Variants in UBXN4 observed in about 807,000 individuals in gnomAD.
The protein encoded by UBXN4 is UBX domain-containing protein 4.
In UBXN4, 35 loss-of-function variants were observed where a neutral mutation model predicts 66.2. The ratio of observed to expected loss-of-function variants is 0.53; its 90% confidence interval spans 0.40 to 0.70. The LOEUF (loss-of-function observed/expected upper bound fraction) is 0.70, where lower values mean the gene tolerates loss of function less well. Ranked by LOEUF, UBXN4 falls within the 30% of genes least tolerant of loss-of-function variation. The pLI is 0.00. For synonymous variants in UBXN4, 203 were observed against 204.5 expected, an observed-to-expected ratio of 0.99 and a Z score of 0.06; for missense variants, 533 against 599.8, an observed-to-expected ratio of 0.89 and a Z score of 1.16.
chr2:135,742,064 T>A (rs1575310933), intron 1 of UBXN4, 53 bp downstream of exon 1: 1 of 1,593,570 alleles, frequency 6.3e-7, no homozygotes, highest in Non-Finnish European at 8.6e-7. Context: ...CGGCCTACCT[T>A]CATCCTCTTG....
chr2:135,780,562 A>G (rs1254179895), intron 12 of UBXN4, among the ~76,000 whole-genome samples, 177 bp downstream of exon 12: 1 of 152,112 alleles, frequency 6.6e-6, no homozygotes, highest in African/African-American at 2.4e-5. Context: ...AGAGCTCACT[A>G]CCTGCGTTTT....
At chr2:135,778,620 A>G (rs1288724007) in intron 10 of UBXN4, among the ~76,000 whole-genome samples, 1 of 152,238 alleles carries the variant, frequency 6.6e-6, no homozygotes, top group Non-Finnish European at 1.5e-5. Flanking sequence ...TTGCCAAAGG[A>G]TAGTGAAAAC....
chr2:135,754,782 C>T lies in UBXN4; in HGVS notation c.333+505C>T, dbSNP rs1030183503. Among the ~76,000 whole-genome samples the T allele has an allele frequency of 3.9e-5, 6 of 152,008 alleles. No individual in the cohort carries two copies. The East Asian group carries it at 1.2e-3, about 29-fold the overall frequency. ...ACCTAATACTTGACTGACTTCTTTACCTTTCTTTATTTTTTTATTTTTTTG... is the reference window on the plus strand; with the variant it reads ...ACCTAATACTTGACTGACTTCTTTATCTTTCTTTATTTTTTTATTTTTTTG... On this transcript the variant is annotated intron_variant, in intron 4 of 12. Coordinates refer to ENST00000272638, the MANE Select transcript of UBXN4 (RefSeq NM_014607.4).
intron 9 of UBXN4, among the ~76,000 whole-genome samples, chr2:135,773,907 G>A (rs1388987793): frequency 6.6e-6 from 1 of 152,162 alleles, no homozygotes; most frequent in Non-Finnish European, 1.5e-5. Flanking sequence ...AGTATCCTAT[G>A]TTCATGGATA....
In UBXN4 at chr2:135,780,284, T is replaced by C. The variant is rs1575325252; in HGVS notation, c.1287T>C (p.Ile429=). Residue 429 remains isoleucine (I), a synonymous_variant, in exon 12 of 13, where the codon ATT becomes ATC. Transcript: ENST00000272638. ...LYPFLAIWRL[I]SNFLFSNPPP... ...CATTCCTTGCCATCTGGAGATTAAT[T>C]AGCAATTTCTTGTTTAGTAATCCGC... 1.2e-6 allele frequency: 2 copies of C among 1,614,150 alleles called. No homozygotes were observed. Among genetic ancestry groups the C allele is most frequent in the Non-Finnish European group, 1.7e-6 (2 of 1,180,028 alleles).
intron 12 of UBXN4, among the ~76,000 whole-genome samples, chr2:135,781,970 A>T (rs1384356485): frequency 6.6e-6 from 1 of 152,290 alleles, no homozygotes; most frequent in East Asian, 1.9e-4. Flanking sequence ...GCTGCCTGGG[A>T]AGCTGGGGCA....
intron 1 of UBXN4, 84 bp downstream of exon 1, chr2:135,742,095 G>T: frequency 1.4e-6 from 2 of 1,480,432 alleles, no homozygotes; most frequent in Non-Finnish European, 1.8e-6. Context: ...CCGCCGGCCC[G>T]CCCTCCCCGA....
intron 5 of UBXN4, among the ~76,000 whole-genome samples, chr2:135,757,819 A>C (rs1357797940): frequency 6.7e-6 from 1 of 148,576 alleles, no homozygotes; most frequent in African/African-American, 2.5e-5. Flanking sequence ...GTGGTTGTTC[A>C]CACCTATAAT....
intron 10 of UBXN4, among the ~76,000 whole-genome samples, chr2:135,778,200 C>T (rs1342775599): frequency 1.3e-5 from 2 of 150,572 alleles, no homozygotes; most frequent in Admixed American, 1.3e-4. Context: ...AAAAAAAAAC[C>T]CAAAAAACAA....
At chr2:135,767,213 T>C (rs1183370253) in intron 6 of UBXN4, among the ~76,000 whole-genome samples, 1 of 151,972 alleles carries the variant, frequency 6.6e-6, no homozygotes, top group Non-Finnish European at 1.5e-5. Flanking sequence ...ATACAAAAAT[T>C]AGCTGGGCGT....
At chr2:135,752,910 C>G (rs1416497933) in intron 2 of UBXN4, among the ~76,000 whole-genome samples, 3 of 150,926 alleles carry the variant, frequency 2.0e-5, no homozygotes, top group African/African-American at 7.3e-5. Context: ...TAGTAGAGAC[C>G]AGATTTCACC....
At chr2:135,767,602 C>T (rs554018983) in intron 6 of UBXN4, among the ~76,000 whole-genome samples, 3 of 152,266 alleles carry the variant, frequency 2.0e-5, no homozygotes, top group Admixed American at 6.5e-5. Flanking sequence ...TTGGTGCACT[C>T]TCATTGCTTT....
intron 1 of UBXN4, among the ~76,000 whole-genome samples, chr2:135,746,570 A>G (rs543035650): frequency 1.3e-5 from 2 of 152,324 alleles, no homozygotes; most frequent in East Asian, 3.9e-4. Flanking sequence ...AAAGTGGGTG[A>G]TTAAGTATCA....
At position 135,766,149 on chromosome 2, in the gene UBXN4, A is replaced by G. The variant is rs369793498; in HGVS notation, c.603-3620A>G. On this transcript the variant is annotated intron_variant, in intron 6 of 12. Coordinates refer to ENST00000272638, the MANE Select transcript of UBXN4 (RefSeq NM_014607.4). ...GCGTGGGCAATAAGAGAGAAAAGCC[A>G]TCTCAAAAAAAAAAAAAAGTCGAAG... 1.6e-3 allele frequency among the ~76,000 whole-genome samples: 249 copies of G among 151,798 alleles called. 2 individuals are homozygous for G. Among genetic ancestry groups the G allele is most frequent in the African/African-American group, 5.6e-3 (232 of 41,378 alleles).
chr2:135,769,622 T>C (rs2105504421), intron 6 of UBXN4, 147 bp from the exon 7 acceptor site: 1 of 545,446 alleles, frequency 1.8e-6, no homozygotes, highest in South Asian at 3.4e-5. Flanking sequence ...TGTAGGGGCC[T>C]GAAGCCAGGC....
At chr2:135,752,151 A>G (rs1306688595) in intron 2 of UBXN4, among the ~76,000 whole-genome samples, 2 of 151,896 alleles carry the variant, frequency 1.3e-5, no homozygotes, top group Non-Finnish European at 2.9e-5. Context: ...GGGTTCATGC[A>G]GTTCTCCTGT....
chr2:135,778,696 G>T (rs1262456443), intron 10 of UBXN4, among the ~76,000 whole-genome samples: 1 of 152,112 alleles, frequency 6.6e-6, no homozygotes, highest in Non-Finnish European at 1.5e-5. Context: ...CAATTTATTT[G>T]TGTGTTTTTA....
intron 5 of UBXN4, among the ~76,000 whole-genome samples, chr2:135,760,926 G>A (rs1380356353): frequency 1.3e-5 from 2 of 152,146 alleles, no homozygotes; most frequent in African/African-American, 2.4e-5. Context: ...ATGCACCATC[G>A]TCTCTACTTA....
intron 10 of UBXN4, among the ~76,000 whole-genome samples, chr2:135,778,624 T>C (rs2077432109): frequency 6.6e-6 from 1 of 152,190 alleles, no homozygotes; most frequent in African/African-American, 2.4e-5. Flanking sequence ...CAAAGGATAG[T>C]GAAAACCTAA....
Sources: gnomAD v4.1 joint callset for allele counts (sites outside exome capture counted in the v4.1 genomes callset) on GRCh38, gnomAD v4.1.1 for gene constraint, MANE v1.5 for transcripts, NCBI Gene and HGNC (gene_info 2026-07-23, HGNC 2026-07-21) for gene names.